The following CDH8 variants were observed in gnomAD, a reference collection of about 807,000 sequenced individuals.
CDH8 encodes the protein cadherin-8.
A neutral mutation model predicts 68.1 loss-of-function variants in CDH8; 17 were observed. The ratio of observed to expected loss-of-function variants is 0.25; its 90% CI spans 0.17 to 0.37. The LOEUF (loss-of-function observed/expected upper bound fraction) is 0.37. Ranked by LOEUF, CDH8 falls within the 10% of genes least tolerant of loss-of-function variation. The pLI is 1.00. For missense variants in CDH8, 763 were observed against 999.3 expected (o/e 0.76, Z 3.19); for synonymous variants, 372 against 365.1 (o/e 1.02, Z -0.21).
chr16:61,695,720 TAATATCTAGAAGA>T (rs1485232504), intron 10 of CDH8, among the ~76,000 whole-genome samples: 1 of 152,174 alleles, frequency 6.6e-6, no homozygotes, highest in Non-Finnish European at 1.5e-5. Flanking sequence ...CAATTCTTAG[TAATATCTAGAAGA>T]AAACTAAACT....
chr16:61,810,883 G>T (rs2142999003), intron 7 of CDH8, among the ~76,000 whole-genome samples: 1 of 152,106 alleles, frequency 6.6e-6, no homozygotes, highest in Non-Finnish European at 1.5e-5. Context: ...AATTAGCCGG[G>T]TATGGTGGTG....
chr16:61,950,969 A>G (rs1279099144), intron 2 of CDH8, among the ~76,000 whole-genome samples: 1 of 152,148 alleles, frequency 6.6e-6, no homozygotes, highest in African/African-American at 2.4e-5. Flanking sequence ...GAGTGATGAA[A>G]TAATCCATAC....
Position 61,800,237 on chromosome 16 carries a change from C to T in CDH8, c.1278-10755G>A, listed in dbSNP as rs190368633. ...TTCCAGTGTTCTGCCAGATGTAATT[C>T]ATTCTGGGGACAAAAATATTTTTTA... is the stretch of plus-strand genomic sequence containing the variant. On this transcript the variant is annotated intron_variant, in intron 7 of 11. Coordinates refer to ENST00000577390, the MANE Select transcript of CDH8 (RefSeq NM_001796.5). Among the ~76,000 whole-genome samples the T allele has an allele frequency of 1.6e-4, 25 of 152,284 alleles. No homozygotes were observed. In the East Asian group the frequency reaches 4.8e-3, roughly 29 times the overall value.
rs745949180 is a variant in CDH8 at position 61,650,706 on chromosome 16, T to TGTGAGAGAGAGAGAGA, written c.*2901_*2902insTCTCTCTCTCTCTCAC. On this transcript the variant is annotated 3_prime_UTR_variant, in exon 12 of 12. Transcript: ENST00000577390. The stretch of plus-strand genomic sequence containing the variant: ...GTGTGTGTGTGTGTGTGTGTGTGTG[T>TGTGAGAGAGAGAGAGA]GAGAGAGAGAGAGAGAGAGAGAGAG... 2.1e-4 allele frequency: 24 copies of TGTGAGAGAGAGAGAGA among 116,676 alleles called. No homozygotes were observed. Among genetic ancestry groups the TGTGAGAGAGAGAGAGA allele is most frequent in the African/African-American group, 5.7e-4 (17 of 29,864 alleles). The allele number at this position is 116,676 out of a possible 1,614,324, so 7.2% of individuals were successfully genotyped here. A position where few individuals can be genotyped will look rare whatever the true frequency, so the allele number is the denominator to read the frequency against.
intron 4 of CDH8, among the ~76,000 whole-genome samples, chr16:61,853,211 T>A (rs1206549157): frequency 6.6e-6 from 1 of 152,092 alleles, no homozygotes; most frequent in Non-Finnish European, 1.5e-5. Flanking sequence ...TCTGATATGT[T>A]ATGGCAACAG....
Position 61,651,989 on chromosome 16 carries a change from A to G in CDH8, c.*1619T>C. ...GTTAATAGATCTTCCACTGATTGAA[A>G]AAAAAATTAATGACAACAAAGGTAT... On this transcript the variant is annotated 3_prime_UTR_variant, in exon 12 of 12. Coordinates refer to ENST00000577390, the MANE Select transcript of CDH8 (RefSeq NM_001796.5). 6.8e-6 allele frequency: 5 copies of G among 738,528 alleles called. No individual in the cohort carries two copies. The highest frequency in any genetic ancestry group is 8.3e-6 in the Non-Finnish European group (5 of 605,102). The allele number at this position is 738,528 out of a possible 1,614,324, so 45.7% of individuals were successfully genotyped here.
At chr16:61,670,490 A>C (rs1963769447) in intron 10 of CDH8, among the ~76,000 whole-genome samples, 1 of 152,062 alleles carries the variant, frequency 6.6e-6, no homozygotes, top group African/African-American at 2.4e-5. Context: ...TGAGAGAAAC[A>C]TATATCACTG....
At chr16:61,920,410 A>G (rs1352475510) in intron 2 of CDH8, among the ~76,000 whole-genome samples, 2 of 149,314 alleles carry the variant, frequency 1.3e-5, no homozygotes, top group African/African-American at 4.9e-5. Flanking sequence ...TTTACAAGAA[A>G]AAAACAAACA....
intron 8 of CDH8, 33 bp downstream of exon 8, chr16:61,789,313 A>T: frequency 6.3e-7 from 1 of 1,596,888 alleles, no homozygotes; most frequent in Non-Finnish European, 8.5e-7. Context: ...ACTCAGTCAC[A>T]CAAGGAAGAA....
chr16:61,958,662 C>G (rs1965025932), intron 2 of CDH8, among the ~76,000 whole-genome samples: 1 of 152,068 alleles, frequency 6.6e-6, no homozygotes, highest in Admixed American at 6.5e-5. Flanking sequence ...TGATCATAAT[C>G]TTCAGAATTA....
chr16:61,955,343 C>T (rs1018656097), intron 2 of CDH8, among the ~76,000 whole-genome samples: 2 of 152,188 alleles, frequency 1.3e-5, no homozygotes, highest in Admixed American at 1.3e-4. Context: ...CTGTTCAAAC[C>T]ATGTTCAAAT....
At chr16:61,682,945 A>G (rs1311785945) in intron 10 of CDH8, among the ~76,000 whole-genome samples, 1 of 152,050 alleles carries the variant, frequency 6.6e-6, no homozygotes, top group Non-Finnish European at 1.5e-5. Context: ...AATAAAATAC[A>G]CTAAAATATA....
At chr16:61,746,556 AACACAC>A (rs71675273) in intron 8 of CDH8, among the ~76,000 whole-genome samples, 7,944 of 140,134 alleles carry the variant, frequency 0.057, 257 homozygotes, top group African/African-American at 0.073. Flanking sequence ...ATTCCCCCCC[AACACAC>A]ACACACACAC....
intron 10 of CDH8, among the ~76,000 whole-genome samples, chr16:61,695,548 G>C (rs1158903776): frequency 6.6e-6 from 1 of 152,118 alleles, no homozygotes; most frequent in African/African-American, 2.4e-5. Context: ...GAGCACCATA[G>C]GATGTTTACC....
chr16:62,024,855 T>C (rs1442391660), intron 1 of CDH8, among the ~76,000 whole-genome samples: 1 of 152,188 alleles, frequency 6.6e-6, no homozygotes, highest in East Asian at 1.9e-4. Context: ...ATTTCAAAAT[T>C]CTTTTTGAAC....
intron 2 of CDH8, among the ~76,000 whole-genome samples, chr16:61,906,051 A>C (rs1343765601): frequency 6.6e-6 from 1 of 152,178 alleles, no homozygotes; most frequent in Non-Finnish European, 1.5e-5. Flanking sequence ...GAGGAAAAGA[A>C]AGGTAATAAG....
At chr16:61,762,800 T>G (rs1271846294) in intron 8 of CDH8, among the ~76,000 whole-genome samples, 2 of 152,186 alleles carry the variant, frequency 1.3e-5, no homozygotes, top group East Asian at 3.9e-4. Flanking sequence ...TTATAGCCAA[T>G]GACTACTGGA....
intron 7 of CDH8, among the ~76,000 whole-genome samples, chr16:61,807,549 A>T (rs1961824147): frequency 6.6e-6 from 1 of 152,194 alleles, no homozygotes; most frequent in Non-Finnish European, 1.5e-5. Context: ...TCATTACTAC[A>T]GAGTTTCAGT....
At chr16:61,959,281 T>C (rs770560055) in intron 2 of CDH8, among the ~76,000 whole-genome samples, 1 of 151,912 alleles carries the variant, frequency 6.6e-6, no homozygotes, top group Admixed American at 6.6e-5. Flanking sequence ...AAAACACAAA[T>C]GTGAAAAAAA....
Sources: allele counts gnomAD v4.1 joint callset (sites outside exome capture counted in the v4.1 genomes callset), GRCh38; gene constraint gnomAD v4.1.1; transcripts MANE v1.5; gene names NCBI Gene and HGNC (gene_info 2026-07-23, HGNC 2026-07-21).